MED1: variants seen among roughly 807,000 people sequenced by gnomAD.
The protein encoded by MED1 is mediator complex subunit 1.
In MED1, 17 loss-of-function variants were observed where a neutral mutation model predicts 121.3. The observed-to-expected ratio is 0.14, with a 90% CI of 0.10 to 0.21. MED1 has a LOEUF of 0.21. Among genes scored for constraint, MED1 ranks in the 10% least tolerant of loss-of-function variants. The pLI, the probability that MED1 is intolerant of heterozygous loss-of-function variation, is 1.00. For synonymous variants in MED1, 661 were observed against 694.4 expected, an observed-to-expected ratio of 0.95 and a Z score of 0.76; for missense variants, 1,558 against 1,919.4, an observed-to-expected ratio of 0.81 and a Z score of 3.52.
At chr17:39,428,897 A>C (rs2048539306) in intron 9 of MED1, among the ~76,000 whole-genome samples, 1 of 151,926 alleles carries the variant, frequency 6.6e-6, no homozygotes, top group Non-Finnish European at 1.5e-5. Context: ...GGTTGCAGTG[A>C]GCTAAAATCG....
At chr17:39,448,647 C>T (rs979642366) in intron 1 of MED1, among the ~76,000 whole-genome samples, 6 of 151,664 alleles carry the variant, frequency 4.0e-5, no homozygotes, top group African/African-American at 9.7e-5. Flanking sequence ...GAGTGGCTCA[C>T]GCCTGTAATC....
rs1438435843 is a variant in MED1 at position 39,440,214 on chromosome 17, A to AT, written c.399+171dup. On this transcript the variant is annotated intron_variant, in intron 5 of 16. Coordinates refer to ENST00000300651, the MANE Select transcript of MED1 (RefSeq NM_004774.4). The surrounding 1 kb of genome is among the most constrained non-coding windows in gnomAD (Gnocchi z 4.1). ...TTGGATGATGTCAGAGATGGGACCC[A>AT]TATTTTCTAAATCCCATTCTATAGC... Among the ~76,000 whole-genome samples the AT allele has an allele frequency of 9.9e-5, 15 of 152,134 alleles. 1 individual carries two copies. Among genetic ancestry groups the AT allele is most frequent in the Non-Finnish European group, 7.3e-5 (5 of 68,038 alleles).
At chr17:39,448,401 G>A (rs2048749300) in intron 1 of MED1, among the ~76,000 whole-genome samples, 1 of 151,622 alleles carries the variant, frequency 6.6e-6, no homozygotes, top group Non-Finnish European at 1.5e-5. Flanking sequence ...AATTAGCCAA[G>A]CCTCCTGGCA....
chr17:39,443,842 T>C (rs1387302654), intron 2 of MED1, among the ~76,000 whole-genome samples: 3 of 151,786 alleles, frequency 2.0e-5, no homozygotes, highest in Non-Finnish European at 4.4e-5. Context: ...GAAAAAGGTA[T>C]TCCTCAGCCA....
chr17:39,432,111 G>A (rs1391698775), intron 7 of MED1, 95 bp from the exon 8 acceptor site: 1 of 832,938 alleles, frequency 1.2e-6, no homozygotes, highest in Non-Finnish European at 2.0e-6. Flanking sequence ...GGGAGGCTGA[G>A]GCGGGCAGAT....
chr17:39,427,178 A>C (rs2048522667), intron 10 of MED1, among the ~76,000 whole-genome samples: 1 of 151,844 alleles, frequency 6.6e-6, no homozygotes, highest in African/African-American at 2.4e-5. Context: ...TATTTATTCA[A>C]AAGTACTTTT....
chr17:39,443,991 T>A (rs1406905722), intron 2 of MED1, among the ~76,000 whole-genome samples: 1 of 152,062 alleles, frequency 6.6e-6, no homozygotes, highest in Non-Finnish European at 1.5e-5. Flanking sequence ...AAAGAAAACG[T>A]TGTATTTCCA....
chr17:39,415,393 G>T, intron 14 of MED1, 54 bp from the exon 15 acceptor site: 1 of 1,480,134 alleles, frequency 6.8e-7, no homozygotes, highest in Non-Finnish European at 9.3e-7. Context: ...CTTCACACAG[G>T]CTGGGCACGG....
rs1278398673 is a variant in MED1, at chr17:39,440,044, G to A, written c.399+342C>T. Among the ~76,000 whole-genome samples, 2 of 140,890 alleles carry A rather than the reference G, an allele frequency of 1.4e-5. No homozygotes were observed. Among genetic ancestry groups the A allele is most frequent in the Admixed American group, 1.5e-4 (2 of 13,764 alleles). 92.4% of individuals were successfully genotyped at this position (140,890 alleles called of 152,430 possible). A position where few individuals can be genotyped will look rare whatever the true frequency, so the allele number is the denominator to read the frequency against. ...AAAGAAAGAAAGAAAGAGAGAAAGA[G>A]AAAGAAAGAAAAGAAAGAAAAGAAA... On this transcript the variant is annotated intron_variant, in intron 5 of 16. Transcript: ENST00000300651. This position sits in a 1 kb window ranked among gnomAD's most constrained non-coding sequence, Gnocchi z 4.1.
rs1485533145 is a variant in MED1 at position 39,446,439 on chromosome 17, C to T, written c.132+1359G>A. Among the ~76,000 whole-genome samples the T allele has an allele frequency of 4.6e-5, 4 of 87,816 alleles. 1 individual carries two copies. The highest frequency in any genetic ancestry group is 1.6e-4 in the African/African-American group (4 of 24,368). The allele number at this position is 87,816 out of a possible 152,430, so 57.6% of individuals were successfully genotyped here. A position where few individuals can be genotyped will look rare whatever the true frequency, so the allele number is the denominator to read the frequency against. ...CACTCCAGCCTGGGTGACAAAGCGA[C>T]ACTCCATCTCAAAAAAAAAAAAAAA... On this transcript the variant is annotated intron_variant, in intron 2 of 16. Coordinates refer to ENST00000300651, the MANE Select transcript of MED1 (RefSeq NM_004774.4).
chr17:39,448,074 G>A (rs1022231679), intron 1 of MED1, among the ~76,000 whole-genome samples, 170 bp from the exon 2 acceptor site: 2 of 150,904 alleles, frequency 1.3e-5, no homozygotes, highest in Admixed American at 6.6e-5. Context: ...ATGGCAAGAT[G>A]ACACACAAGT....
chr17:39,412,423 T>G (rs929154448), intron 16 of MED1, among the ~76,000 whole-genome samples: 1 of 151,374 alleles, frequency 6.6e-6, no homozygotes, highest in African/African-American at 2.4e-5. Context: ...AGACAGGGTT[T>G]CTCCATGTCA....
Position 39,447,840 on chromosome 17 carries a change from A to G in MED1, c.90T>C (p.Asn30=), listed in dbSNP as rs2048742979. The G allele has an allele frequency of 1.4e-5, 22 of 1,613,794 alleles. No homozygotes were observed. The East Asian group carries it at 4.7e-4, about 34-fold the overall frequency. The part of the protein sequence containing the change: ...LERLHAKFNQ[N]RPWSETIKLV... Reference sequence around the variant, plus strand: ...GCTTAATGGTTTCACTCCAGGGTCTATTTTGGTTAAATTTTGCATGGAGCC... The same window carrying G: ...GCTTAATGGTTTCACTCCAGGGTCTGTTTTGGTTAAATTTTGCATGGAGCC... Residue 30 remains asparagine (N), a synonymous_variant, in exon 2 of 17, where the codon AAT becomes AAC. Coordinates refer to ENST00000300651, the MANE Select transcript of MED1 (RefSeq NM_004774.4).
At chr17:39,433,993 TCAGC>T (rs1335148904) in intron 7 of MED1, among the ~76,000 whole-genome samples, 1 of 152,218 alleles carries the variant, frequency 6.6e-6, no homozygotes, top group Non-Finnish European at 1.5e-5. Flanking sequence ...CTAATTCCTT[TCAGC>T]CTAGAAATTG....
Position 39,406,235 on chromosome 17 carries a change from A to G in MED1, c.*1240T>C, listed in dbSNP as rs1198349674. On this transcript the variant is annotated 3_prime_UTR_variant, in exon 17 of 17. Transcript: ENST00000300651. ...TGCTCACCTAGCATTCCAGGCCCCC[A>G]TTACTTCAAAAGTGAGCTTGAAATT... The G allele has an allele frequency of 2.0e-6, 2 of 985,422 alleles. No individual in the cohort carries two copies. The highest frequency in any genetic ancestry group is 2.4e-6 in the Non-Finnish European group (2 of 829,934). The allele number at this position is 985,422 out of a possible 1,614,324, so 61.0% of individuals were successfully genotyped here. A position where few individuals can be genotyped will look rare whatever the true frequency, so the allele number is the denominator to read the frequency against.
In MED1 at chr17:39,405,572, A is replaced by T; in HGVS notation, c.*1903T>A. The T allele has an allele frequency of 5.4e-6, 7 of 1,300,338 alleles. No homozygotes were observed. Among genetic ancestry groups the T allele is most frequent in the Non-Finnish European group, 6.9e-6 (7 of 1,021,106 alleles). The allele number at this position is 1,300,338 out of a possible 1,614,324, so 80.6% of individuals were successfully genotyped here. ...GAGAGGCTGCTACTGTATCAACATC[A>T]CAAGATAAAGCACTCTGGTATCACC... On this transcript the variant is annotated 3_prime_UTR_variant, in exon 17 of 17. Coordinates refer to ENST00000300651, the MANE Select transcript of MED1 (RefSeq NM_004774.4).
At chr17:39,436,636 C>T (rs988917125) in intron 6 of MED1, among the ~76,000 whole-genome samples, 1 of 152,156 alleles carries the variant, frequency 6.6e-6, no homozygotes, top group African/African-American at 2.4e-5. Flanking sequence ...TACTGTAACA[C>T]ACATGTACCT....
rs1297221746 is a variant in MED1 at position 39,409,131 on chromosome 17, A to G, written c.3090T>C (p.Pro1030=). The change falls in exon 17 of 17, where the codon CCT becomes CCC. Residue 1030 remains proline (P), a synonymous_variant. Coordinates refer to ENST00000300651, the MANE Select transcript of MED1 (RefSeq NM_004774.4). ...CACCTGTACTGGTAGGTGGGGTAAA[A>G]GGTCTGTTAGAAGAACTATGAGATG... The part of the protein sequence containing the change: ...KSPSHSSSNR[P]FTPPTSTGGS... 6.2e-7 allele frequency: 1 copy of G among 1,614,012 alleles called. No individual in the cohort carries two copies. The highest frequency in any genetic ancestry group is 8.5e-7 in the Non-Finnish European group (1 of 1,180,030).
chr17:39,421,092 G>A (rs945840160), intron 13 of MED1, among the ~76,000 whole-genome samples: 6 of 150,938 alleles, frequency 4.0e-5, no homozygotes, highest in African/African-American at 7.3e-5. Context: ...CACCGCTCCC[G>A]GCCACATCAG....
Sources: allele counts gnomAD v4.1 joint callset (sites outside exome capture counted in the v4.1 genomes callset), GRCh38; gene constraint gnomAD v4.1.1; non-coding constraint Gnocchi (gnomAD v3.1); transcripts MANE v1.5; gene names NCBI Gene and HGNC (gene_info 2026-07-23, HGNC 2026-07-21).